The following COL5A1 variants were observed in gnomAD, a reference collection of about 807,000 sequenced individuals.
COL5A1 encodes the protein collagen type V alpha 1 chain.
Under a neutral mutation model 263.7 loss-of-function variants are expected in COL5A1, and 16 were observed. The ratio of observed to expected loss-of-function variants is 0.06; its 90% CI spans 0.04 to 0.09. COL5A1 has a LOEUF of 0.09. COL5A1 is among the 10% of genes least tolerant of loss of function. COL5A1 has a pLI of 1.00. For missense variants in COL5A1, 2,036 were observed against 2,540.5 expected, an observed-to-expected ratio of 0.80 and a Z score of 4.27; for synonymous variants, 1,012 against 1,004.5, an observed-to-expected ratio of 1.01 and a Z score of -0.14.
rs1231043377 is a variant in COL5A1, at chr9:134,750,812, A to T, written c.1592A>T (p.Asp531Val). ...MLPFRFGGGG[D>V]AGSKGPMVSA... is the part of the protein sequence containing the mutation. ...CAGTTCCGGTTTGGAGGTGGCGGCG[A>T]TGCGGGCTCCAAAGGCCCCATGGTC... The change falls in exon 13 of 66, where the codon GAT (aspartate) becomes GTT (valine). Residue 531 changes from aspartate to valine, a missense_variant. Asp to Val is a radical substitution (Grantham distance 152). Transcript: ENST00000371817. The T allele has an allele frequency of 2.5e-6, 4 of 1,613,074 alleles. No homozygotes were observed. The African/African-American group carries it at 4.0e-5, about 16-fold the overall frequency.
chr9:134,822,627 C>G (rs1011838190), intron 59 of COL5A1, among the ~76,000 whole-genome samples: 1 of 151,910 alleles, frequency 6.6e-6, no homozygotes, highest in African/African-American at 2.4e-5. Flanking sequence ...GGGCCCCTGG[C>G]ACGCTGAGGG....
chr9:134,648,637 C>T (rs57953080), intron 1 of COL5A1, among the ~76,000 whole-genome samples: 19,993 of 152,204 alleles, frequency 0.13, 1,482 homozygotes, highest in South Asian at 0.19. Flanking sequence ...GACCCCATTA[C>T]TGCCCTTGCC....
intron 8 of COL5A1, 95 bp from the exon 9 acceptor site, chr9:134,731,976 C>A (rs898060166): frequency 2.1e-6 from 3 of 1,407,302 alleles, no homozygotes; most frequent in Non-Finnish European, 3.0e-6. Context: ...ATAGTGCCCT[C>A]GGCCTTGCGA....
intron 1 of COL5A1, among the ~76,000 whole-genome samples, chr9:134,666,950 G>T (rs527642831): frequency 8.5e-4 from 130 of 152,232 alleles, no homozygotes; most frequent in Non-Finnish European, 1.3e-3. Context: ...GGATGGGGAT[G>T]ACATGACCCC....
chr9:134,694,573 C>A (rs1833394862), intron 2 of COL5A1, among the ~76,000 whole-genome samples: 1 of 152,222 alleles, frequency 6.6e-6, no homozygotes, highest in South Asian at 2.1e-4. Flanking sequence ...CTAGAATTTC[C>A]CCCCTCATTC....
intron 1 of COL5A1, among the ~76,000 whole-genome samples, chr9:134,683,805 C>T (rs903818149): frequency 2.0e-5 from 3 of 152,340 alleles, no homozygotes; most frequent in East Asian, 1.9e-4. Context: ...TTTCCTGGGG[C>T]GCCGGCACCC....
At chr9:134,744,435 ACACT>A (rs1416653743) in intron 11 of COL5A1, among the ~76,000 whole-genome samples, 1 of 151,992 alleles carries the variant, frequency 6.6e-6, no homozygotes, top group African/African-American at 2.4e-5. Context: ...ACACACGCAC[ACACT>A]CATGTGTACA....
At chr9:134,657,130 GC>G (rs1313042434) in intron 1 of COL5A1, among the ~76,000 whole-genome samples, 2 of 45,704 alleles carry the variant, frequency 4.4e-5, no homozygotes, top group Admixed American at 1.8e-4. Context: ...TAATATGGGG[GC>G]AGGGTAGGGG....
chr9:134,708,419 C>CG (rs35817169), intron 4 of COL5A1: 83,249 of 359,606 alleles, frequency 0.23, 5,062 homozygotes, highest in Non-Finnish European at 0.28. Context: ...GAGCAACTCC[C>CG]GGGGTGGGGG....
intron 39 of COL5A1, among the ~76,000 whole-genome samples, chr9:134,804,354 C>T (rs1009163255): frequency 2.0e-5 from 3 of 152,006 alleles, no homozygotes; most frequent in Non-Finnish European, 2.9e-5. Context: ...CAGGGAAAGT[C>T]GAGGCTAAGG....
chr9:134,749,317 G>A (rs565215305), intron 11 of COL5A1, among the ~76,000 whole-genome samples: 40 of 152,220 alleles, frequency 2.6e-4, no homozygotes, highest in Non-Finnish European at 5.7e-4. Context: ...CAGCATGTGC[G>A]TCTTCATCTT....
chr9:134,763,880 C>A, intron 20 of COL5A1, 143 bp downstream of exon 20: 1 of 820,364 alleles, frequency 1.2e-6, no homozygotes, highest in Non-Finnish European at 1.9e-6. Context: ...ACCTGGGCAT[C>A]TCCCAGGGAA....
At chr9:134,694,324 G>A (rs1010076750) in intron 2 of COL5A1, among the ~76,000 whole-genome samples, 2 of 152,372 alleles carry the variant, frequency 1.3e-5, no homozygotes, top group Middle Eastern at 3.4e-3. Context: ...CACAGGCGTT[G>A]ACCTCTGCCC....
rs75307062 is a variant in COL5A1 at position 134,741,591 on chromosome 9, G to A, written c.1494+2783G>A. The stretch of plus-strand genomic sequence containing the variant: ...GATAAGGGGCGCTCTCCAAATCCTG[G>A]TACAGAAGCAGAGGCAGGAGGGTGG... On this transcript the variant is annotated intron_variant, in intron 11 of 65. Coordinates refer to ENST00000371817, the MANE Select transcript of COL5A1 (RefSeq NM_000093.5). The surrounding 1 kb of genome is among the most constrained non-coding windows in gnomAD (Gnocchi z 4.5). 0.041 allele frequency among the ~76,000 whole-genome samples: 6,180 copies of A among 151,890 alleles called. 141 individuals carry two copies. The highest frequency in any genetic ancestry group is 0.047 in the Non-Finnish European group (3,224 of 67,936).
intron 11 of COL5A1, among the ~76,000 whole-genome samples, chr9:134,749,769 C>T (rs942782625): frequency 2.0e-5 from 3 of 152,228 alleles, no homozygotes; most frequent in Admixed American, 6.5e-5. Flanking sequence ...AGACAAGCCT[C>T]ATCTACTTTA....
In COL5A1 at chr9:134,801,984, C is replaced by G. The variant is rs187022757; in HGVS notation, c.2983C>G (p.Pro995Ala). 4 of 1,613,422 alleles carry G rather than the reference C, an allele frequency of 2.5e-6. No individual in the cohort carries two copies. The highest frequency in any genetic ancestry group is 1.1e-5 in the South Asian group (1 of 91,080). ...GFQGKTGPPG[P>A]PGVVGPQGPT... is the part of the protein sequence containing the mutation. ...CCAAGGCAAGACCGGCCCTCCAGGC[C>G]CCCCCGGCGTGGTCGGCCCTCAGGT... is the stretch of plus-strand genomic sequence containing the variant. The change falls in exon 38 of 66, where the codon CCC becomes GCC. Residue 995 changes from proline to alanine, a missense_variant. By Grantham distance (27) the Pro-to-Ala change is conservative. Transcript: ENST00000371817.
chr9:134,829,863 C>T (rs770817875), intron 63 of COL5A1, 113 bp from the exon 64 acceptor site: 45 of 1,182,318 alleles, frequency 3.8e-5, no homozygotes, highest in African/African-American at 1.7e-4. Context: ...GCCCCCCCGG[C>T]GTGAGGATGC....
rs1831299599 is a variant in COL5A1, at chr9:134,641,905, G to A, written c.-283G>A. On this transcript the variant is annotated 5_prime_UTR_variant, in exon 1 of 66. Transcript: ENST00000371817. ...GCGGCGGCGAGGAGGAGGCGAGAAG[G>A]AGTTGGAGGAGGAGGAGGAGGAGGC... 1 of 390,562 alleles carries A rather than the reference G, an allele frequency of 2.6e-6. No homozygotes were observed. 24.2% of individuals were successfully genotyped at this position (390,562 alleles called of 1,614,324 possible).
Position 134,652,773 on chromosome 9 carries a change from G to C in COL5A1, c.109+10477G>C, listed in dbSNP as rs755681380. On this transcript the variant is annotated intron_variant, in intron 1 of 65. Transcript: ENST00000371817. This position sits in a 1 kb window ranked among gnomAD's most constrained non-coding sequence, Gnocchi z 4.4. The stretch of plus-strand genomic sequence containing the variant: ...GGCCTCTTCTTAGGCCGGGTCCAGC[G>C]TTTCTCCTCATGGTGTAGACCAGCA... The C allele has an allele frequency of 1.3e-5, 6 of 470,160 alleles. No individual in the cohort carries two copies. In the East Asian group the frequency reaches 4.2e-4, roughly 33 times the overall value. 29.1% of individuals were successfully genotyped at this position (470,160 alleles called of 1,614,324 possible). A position where few individuals can be genotyped will look rare whatever the true frequency, so the allele number is the denominator to read the frequency against.
Sources: gnomAD v4.1 joint callset for allele counts (sites outside exome capture counted in the v4.1 genomes callset) on GRCh38, gnomAD v4.1.1 for gene constraint, Gnocchi (gnomAD v3.1) non-coding constraint, MANE v1.5 for transcripts, NCBI Gene and HGNC (gene_info 2026-07-23, HGNC 2026-07-21) for gene names.